The following FAM178B variants were observed in gnomAD, a reference collection of about 807,000 sequenced individuals.
The protein encoded by FAM178B is protein FAM178B.
A neutral mutation model predicts 91.7 loss-of-function variants in FAM178B; 82 were observed. That is an observed-to-expected ratio of 0.89 (90% CI 0.75 to 1.07). The LOEUF is 1.07. Among genes scored for constraint, FAM178B ranks in the 50% least tolerant of loss-of-function variants. FAM178B has a pLI of 0.00. For missense variants in FAM178B, 769 were observed against 846.7 expected (o/e 0.91, Z 1.14); for synonymous variants, 368 against 359.4 (o/e 1.02, Z -0.27).
Position 96,932,395 on chromosome 2 carries a change from G to GGTGACTT in FAM178B, c.1079-3076_1079-3075insAAGTCAC, listed in dbSNP as rs565116839. On this transcript the variant is annotated intron_variant, in intron 8 of 16. Coordinates refer to ENST00000490605, the MANE Select transcript of FAM178B (RefSeq NM_001122646.3). ...CAGTTAAGTCCCTATCAGCAGCCGT[G>GGTGACTT]GAGGCTGGTGACTTGAGGACAGGAA... 1.8e-4 allele frequency among the ~76,000 whole-genome samples: 28 copies of GGTGACTT among 152,332 alleles called. No individual in the cohort carries two copies. In the South Asian group the frequency reaches 5.8e-3, roughly 32 times the overall value.
At chr2:96,878,146 G>C (rs773091861) in intron 15 of FAM178B, 104 bp from the exon 16 acceptor site, 51 of 1,266,260 alleles carry the variant, frequency 4.0e-5, no homozygotes, top group Non-Finnish European at 5.6e-5. Context: ...GGGCACATTT[G>C]AGTGACTGTT....
Position 96,947,850 on chromosome 2 carries a change from TC to T in FAM178B, c.1045del (p.Asp349IlefsTer58). On this transcript the variant is annotated frameshift_variant, in exon 8 of 17. Coordinates refer to ENST00000490605, the MANE Select transcript of FAM178B (RefSeq NM_001122646.3). LOFTEE classifies it high-confidence loss of function. ...AAGGAAGATTCCATCCACAATGAGA[TC>T]CCACAGAAGACCAAAGGCTCCCAAA... ...TSLGAFGLLWDLIVDGIFLQP... is the reference protein window; with the variant it reads ...TSLGAFGLLWXLIVDGIFLQP... 1 of 1,547,026 alleles carries T rather than the reference TC, an allele frequency of 6.5e-7. No homozygotes were observed. The highest frequency in any genetic ancestry group is 8.7e-7 in the Non-Finnish European group (1 of 1,144,052).
chr2:96,922,117 T>G (rs755364550), intron 10 of FAM178B, among the ~76,000 whole-genome samples: 3 of 152,134 alleles, frequency 2.0e-5, no homozygotes, highest in Non-Finnish European at 2.9e-5. Context: ...TGAATTAGCA[T>G]GCTAAAAGAC....
chr2:96,920,328 G>A (rs550271670), intron 12 of FAM178B, among the ~76,000 whole-genome samples: 5 of 152,282 alleles, frequency 3.3e-5, no homozygotes, highest in Middle Eastern at 3.4e-3. Context: ...CAGGCCAGGC[G>A]TGGTGGCTCA....
At chr2:96,895,190 A>G in intron 13 of FAM178B, 1 of 1,060,636 alleles carries the variant, frequency 9.4e-7, no homozygotes, top group Non-Finnish European at 1.3e-6. Flanking sequence ...TTACCCATAA[A>G]GAGCTTCTAC....
chr2:96,892,126 G>A (rs891408128), intron 14 of FAM178B, among the ~76,000 whole-genome samples: 1 of 152,192 alleles, frequency 6.6e-6, no homozygotes, highest in African/African-American at 2.4e-5. Context: ...GGCCTAATGA[G>A]GAGTCATCCG....
intron 12 of FAM178B, among the ~76,000 whole-genome samples, chr2:96,911,857 G>A (rs200046757): frequency 5.9e-5 from 9 of 152,112 alleles, no homozygotes; most frequent in African/African-American, 2.4e-5. Flanking sequence ...ACAGGGAAGG[G>A]GTCCTCCTGG....
intron 1 of FAM178B, among the ~76,000 whole-genome samples, chr2:96,973,207 A>C (rs1574321013): frequency 1.4e-4 from 1 of 7,162 alleles, no homozygotes; most frequent in African/African-American, 8.0e-4. Context: ...ACTCCATTTC[A>C]AAAAAAAAAA....
intron 1 of FAM178B, among the ~76,000 whole-genome samples, chr2:96,985,702 A>T (rs1408877866): frequency 6.6e-6 from 1 of 152,172 alleles, no homozygotes; most frequent in Non-Finnish European, 1.5e-5. Context: ...TATTCCTAAC[A>T]TCATGTTTTA....
intron 1 of FAM178B, among the ~76,000 whole-genome samples, chr2:96,985,527 T>C (rs531213772): frequency 6.6e-6 from 1 of 152,336 alleles, no homozygotes; most frequent in South Asian, 2.1e-4. Context: ...GTTCTTTTAC[T>C]TTCCTGACTA....
At chr2:96,929,999 G>A (rs1235692197) in intron 8 of FAM178B, among the ~76,000 whole-genome samples, 1 of 152,100 alleles carries the variant, frequency 6.6e-6, no homozygotes, top group African/African-American at 2.4e-5. Flanking sequence ...CAGATTGCCT[G>A]AGCTCAAGAA....
At chr2:96,941,370 C>T (rs2081727249) in intron 8 of FAM178B, among the ~76,000 whole-genome samples, 1 of 152,026 alleles carries the variant, frequency 6.6e-6, no homozygotes, top group Admixed American at 6.6e-5. Context: ...TTTATGAATG[C>T]TTTCTGAGAG....
intron 1 of FAM178B, among the ~76,000 whole-genome samples, chr2:96,985,548 A>C (rs2082412466): frequency 6.6e-6 from 1 of 152,234 alleles, no homozygotes; most frequent in Admixed American, 6.5e-5. Flanking sequence ...CAAGAAAAAT[A>C]AAATAATCTG....
intron 13 of FAM178B, among the ~76,000 whole-genome samples, chr2:96,897,098 C>A (rs539072580): frequency 6.6e-6 from 1 of 152,190 alleles, no homozygotes; most frequent in African/African-American, 2.4e-5. Context: ...AACTCCTGAC[C>A]TCAAGTGATC....
chr2:96,888,748 C>G (rs914230342), intron 14 of FAM178B, among the ~76,000 whole-genome samples: 1 of 152,378 alleles, frequency 6.6e-6, no homozygotes, highest in East Asian at 1.9e-4. Flanking sequence ...ACAGCACGCA[C>G]TTATGCACAA....
At chr2:96,896,452 C>A (rs532537744) in intron 13 of FAM178B, among the ~76,000 whole-genome samples, 4 of 152,122 alleles carry the variant, frequency 2.6e-5, no homozygotes, top group African/African-American at 7.2e-5. Flanking sequence ...CAGGAACCAG[C>A]GGGGATGGGC....
chr2:96,912,960 G>C (rs2081183587), intron 12 of FAM178B, among the ~76,000 whole-genome samples: 1 of 152,230 alleles, frequency 6.6e-6, no homozygotes, highest in Non-Finnish European at 1.5e-5. Context: ...AGAGAACTGG[G>C]GGAGGAAGCT....
At position 96,959,199 on chromosome 2, in the gene FAM178B, G is replaced by GAAAAAAAAAAAA. The variant is rs57498168; in HGVS notation, c.887+1077_887+1088dup. Among the ~76,000 whole-genome samples the GAAAAAAAAAAAA allele has an allele frequency of 9.7e-5, 8 of 82,134 alleles. No homozygotes were observed. The East Asian group carries it at 1.6e-3, about 16-fold the overall frequency. 53.9% of individuals were successfully genotyped at this position (82,134 alleles called of 152,430 possible). ...GGGTGACAGAGCGAGACTCAGTTTT[G>GAAAAAAAAAAAA]AAAAAAAAAAAAAAAAAAAAAAAAA... On this transcript the variant is annotated intron_variant, in intron 6 of 16. Coordinates refer to ENST00000490605, the MANE Select transcript of FAM178B (RefSeq NM_001122646.3).
chr2:96,969,001 C>A (rs775886295), intron 4 of FAM178B, among the ~76,000 whole-genome samples: 2 of 152,222 alleles, frequency 1.3e-5, no homozygotes. Context: ...AACAAAACTT[C>A]CTTTCTTGCA....
Sources: gnomAD v4.1 joint callset for allele counts (sites outside exome capture counted in the v4.1 genomes callset) on GRCh38, gnomAD v4.1.1 for gene constraint, MANE v1.5 for transcripts, NCBI Gene and HGNC (gene_info 2026-07-23, HGNC 2026-07-21) for gene names.